The following KDSR variants were observed in gnomAD, a reference collection of about 807,000 sequenced individuals.
KDSR encodes the protein 3-ketodihydrosphingosine reductase, also known as 3-dehydrosphinganine reductase.
Under a neutral mutation model 41.3 loss-of-function variants are expected in KDSR, and 23 were observed. The observed-to-expected ratio is 0.56, with a 90% CI of 0.40 to 0.79. KDSR has a LOEUF of 0.79. Among genes scored for constraint, KDSR ranks in the 30% least tolerant of loss-of-function variants. KDSR has a pLI of 0.00. For synonymous variants in KDSR, 138 were observed against 151.7 expected, an observed-to-expected ratio of 0.91 and a Z score of 0.66; for missense variants, 351 against 416.8, an observed-to-expected ratio of 0.84 and a Z score of 1.37.
At chr18:63,337,558 A>G (rs1468973289) in intron 8 of KDSR, among the ~76,000 whole-genome samples, 1 of 152,078 alleles carries the variant, frequency 6.6e-6, no homozygotes, top group Non-Finnish European at 1.5e-5. Flanking sequence ...AGTGGTCAAG[A>G]GAAGAAAAGT....
At position 63,331,326 on chromosome 18, in the gene KDSR, CAGAGAGAG is replaced by C. The variant is rs138869280; in HGVS notation, c.*448_*455del. 14,619 of 92,542 alleles carry C rather than the reference CAGAGAGAG, an allele frequency of 0.16. 847 individuals are homozygous for C. The highest frequency in any genetic ancestry group is 0.36 in the East Asian group (3,800 of 10,678). 5.7% of individuals were successfully genotyped at this position (92,542 alleles called of 1,614,324 possible). ...ACAGAGAGACAGAGAGACAGAGAGA[CAGAGAGAG>C]AGAGAGAGAGAACCCGAGAAACCGA... is the stretch of plus-strand genomic sequence containing the variant. On this transcript the variant is annotated 3_prime_UTR_variant, in exon 10 of 10. Coordinates refer to ENST00000645214, the MANE Select transcript of KDSR (RefSeq NM_002035.4).
chr18:63,343,285 C>G (rs1394214638), intron 7 of KDSR, among the ~76,000 whole-genome samples: 2 of 151,802 alleles, frequency 1.3e-5, no homozygotes, highest in South Asian at 2.1e-4. Flanking sequence ...GTCTCGAACT[C>G]CTGGGCTCAA....
chr18:63,355,407 A>C, intron 4 of KDSR, 91 bp downstream of exon 4: 1 of 1,607,614 alleles, frequency 6.2e-7, no homozygotes, highest in South Asian at 1.1e-5. Flanking sequence ...CCTATAGAGA[A>C]GTTGTGTCCA....
chr18:63,354,140 A>T (rs1914732310), intron 5 of KDSR, among the ~76,000 whole-genome samples: 1 of 151,812 alleles, frequency 6.6e-6, no homozygotes, highest in South Asian at 2.1e-4. Context: ...ATAAAGAGAG[A>T]GGTTTAAGGG....
At chr18:63,345,449 T>A (rs1207655664) in intron 6 of KDSR, 2 of 152,290 alleles carry the variant, frequency 1.3e-5, no homozygotes, top group African/African-American at 4.8e-5. Flanking sequence ...AATTAGCAAC[T>A]CTAAGAGCAA....
intron 6 of KDSR, among the ~76,000 whole-genome samples, chr18:63,348,479 C>G (rs972847677): frequency 6.6e-6 from 1 of 152,132 alleles, no homozygotes; most frequent in African/African-American, 2.4e-5. Flanking sequence ...AGTTCTACTA[C>G]GAACAAACTA....
Position 63,350,970 on chromosome 18 carries a change from C to T in KDSR, c.527G>A (p.Gly176Glu). ...GRIVFVSSQA[G>E]QLGLFGFTAY... The stretch of plus-strand genomic sequence containing the variant: ...TGTGAAACCGAATAATCCCAACTGT[C>T]CTGCCTGGGAGGACACAAACACGAT... The change falls in exon 6 of 10, where the codon GGA becomes GAA. Residue 176 changes from glycine (G) to glutamate (E), a missense_variant. Transcript: ENST00000645214. 1 of 1,614,182 alleles carries T rather than the reference C, an allele frequency of 6.2e-7. No individual in the cohort carries two copies. Among genetic ancestry groups the T allele is most frequent in the African/African-American group, 1.3e-5 (1 of 75,060 alleles).
Position 63,350,952 on chromosome 18 carries a change from CCGAATA to C in KDSR, c.539_544del (p.Leu180_Gly182delinsCys). 1 of 1,614,142 alleles carries C rather than the reference CCGAATA, an allele frequency of 6.2e-7. No homozygotes were observed. The highest frequency in any genetic ancestry group is 1.3e-5 in the African/African-American group (1 of 75,030). On this transcript the variant is annotated inframe_deletion, in exon 6 of 10. Coordinates refer to ENST00000645214, the MANE Select transcript of KDSR (RefSeq NM_002035.4). ...CTTGGATGCAGAGTAGGCTGTGAAA[CCGAATA>C]ATCCCAACTGTCCTGCCTGGGAGGA...
At chr18:63,343,758 A>G (rs1014438137) in intron 7 of KDSR, among the ~76,000 whole-genome samples, 3 of 151,626 alleles carry the variant, frequency 2.0e-5, no homozygotes, top group East Asian at 1.9e-4. Context: ...AAAAAAAAAA[A>G]GCAGTATAAA....
intron 5 of KDSR, among the ~76,000 whole-genome samples, chr18:63,352,987 T>C (rs1914696373): frequency 7.3e-6 from 1 of 137,182 alleles, no homozygotes; most frequent in Non-Finnish European, 1.5e-5. Flanking sequence ...ACCAACATGG[T>C]GAAAACCCGA....
At chr18:63,361,261 G>A (rs1335693246) in intron 2 of KDSR, among the ~76,000 whole-genome samples, 2 of 141,702 alleles carry the variant, frequency 1.4e-5, no homozygotes, top group Non-Finnish European at 3.0e-5. Context: ...AACACCACAG[G>A]TTCTTCATTC....
chr18:63,360,999 A>T (rs1392676726), intron 2 of KDSR, among the ~76,000 whole-genome samples: 18 of 114,096 alleles, frequency 1.6e-4, no homozygotes, highest in Admixed American at 9.9e-4. Context: ...TACTAAAAAA[A>T]AAATATATAT....
At chr18:63,338,687 C>T in intron 8 of KDSR, 113 bp downstream of exon 8, 1 of 730,972 alleles carries the variant, frequency 1.4e-6, no homozygotes, top group Non-Finnish European at 2.3e-6. Context: ...ACAAATCTGA[C>T]AGACTAAAAA....
chr18:63,356,818 C>T (rs942124257), intron 3 of KDSR, among the ~76,000 whole-genome samples: 5 of 152,166 alleles, frequency 3.3e-5, no homozygotes, highest in South Asian at 2.1e-4. Flanking sequence ...CGGGAAAAAA[C>T]GGGGCAATTT....
chr18:63,347,638 A>G (rs1197712208), intron 6 of KDSR, among the ~76,000 whole-genome samples: 1 of 152,178 alleles, frequency 6.6e-6, no homozygotes, highest in Non-Finnish European at 1.5e-5. Context: ...CCAGAATTCA[A>G]GCTTTAGCTT....
chr18:63,335,455 TTAAG>T, intron 8 of KDSR, 97 bp from the exon 9 acceptor site: 1 of 804,776 alleles, frequency 1.2e-6, no homozygotes, highest in Non-Finnish European at 2.1e-6. Context: ...CTCGTTCACT[TTAAG>T]TGAGATAAAA....
chr18:63,336,188 C>A (rs938344158), intron 8 of KDSR, among the ~76,000 whole-genome samples: 4 of 152,184 alleles, frequency 2.6e-5, no homozygotes, highest in Non-Finnish European at 4.4e-5. Context: ...CACCACCACA[C>A]CCGGGTAATT....
chr18:63,330,713 GAA>G lies in KDSR; in HGVS notation c.*1067_*1068del, dbSNP rs1290812002. ...CCTAAAAGCTACATATATGCTCCGA[GAA>G]AAAGTCACACTTTTTAATTTTTTCA... On this transcript the variant is annotated 3_prime_UTR_variant, in exon 10 of 10. Transcript: ENST00000645214. 4.4e-6 allele frequency: 1 copy of G among 229,068 alleles called. No homozygotes were observed. The highest frequency in any genetic ancestry group is 6.2e-5 in the East Asian group (1 of 16,070). 14.2% of individuals were successfully genotyped at this position (229,068 alleles called of 1,614,324 possible).
chr18:63,330,213 G>C lies in KDSR; in HGVS notation c.*1569C>G, dbSNP rs1326128369. 2 of 201,670 alleles carry C rather than the reference G, an allele frequency of 9.9e-6. No homozygotes were observed. Among genetic ancestry groups the C allele is most frequent in the South Asian group, 1.9e-4 (1 of 5,276 alleles). 12.5% of individuals were successfully genotyped at this position (201,670 alleles called of 1,614,324 possible). On this transcript the variant is annotated 3_prime_UTR_variant, in exon 10 of 10. Coordinates refer to ENST00000645214, the MANE Select transcript of KDSR (RefSeq NM_002035.4). ...TATAATTTTTAGGTCTTCAATTTTTGTATAGAGTTTTTATGTTTTTTAAGT... is the reference window on the plus strand; with the variant it reads ...TATAATTTTTAGGTCTTCAATTTTTCTATAGAGTTTTTATGTTTTTTAAGT...
Sources: allele counts gnomAD v4.1 joint callset (sites outside exome capture counted in the v4.1 genomes callset), GRCh38; gene constraint gnomAD v4.1.1; transcripts MANE v1.5; gene names NCBI Gene and HGNC (gene_info 2026-07-23, HGNC 2026-07-21).